CMTM8: variants seen among roughly 807,000 people sequenced by gnomAD.
The protein encoded by CMTM8 is CKLF like MARVEL transmembrane domain containing 8.
A neutral mutation model predicts 18.6 loss-of-function variants in CMTM8; 12 were observed. That is an observed-to-expected ratio of 0.65 (90% CI 0.41 to 1.05). The LOEUF is 1.05. CMTM8 is among the 50% of genes least tolerant of loss of function. The pLI, the probability that CMTM8 is intolerant of heterozygous loss-of-function variation, is 0.00. For synonymous variants in CMTM8, 87 were observed against 90.6 expected (o/e 0.96, Z 0.23); for missense variants, 217 against 227.2 (o/e 0.95, Z 0.29).
At chr3:32,328,929 G>A (rs58224813) in intron 1 of CMTM8, among the ~76,000 whole-genome samples, 19,239 of 152,044 alleles carry the variant, frequency 0.13, 1,735 homozygotes, top group East Asian at 0.25. Flanking sequence ...ACCAGTCCTT[G>A]TAAAACTCTT....
chr3:32,280,533 C>G (rs996910573), intron 1 of CMTM8, among the ~76,000 whole-genome samples: 2 of 152,116 alleles, frequency 1.3e-5, no homozygotes, highest in South Asian at 4.1e-4. Flanking sequence ...ACCAAGTAAC[C>G]AGTGAGAAAC....
At chr3:32,274,662 A>G (rs1412514742) in intron 1 of CMTM8, among the ~76,000 whole-genome samples, 1 of 152,162 alleles carries the variant, frequency 6.6e-6, no homozygotes, top group Non-Finnish European at 1.5e-5. Flanking sequence ...ATCATTCTCA[A>G]ATTTTACCAA....
intron 1 of CMTM8, among the ~76,000 whole-genome samples, chr3:32,320,749 C>T (rs985821438): frequency 6.6e-5 from 10 of 152,152 alleles, no homozygotes; most frequent in Admixed American, 2.6e-4. Flanking sequence ...AGTGCAGCAC[C>T]GGGGTGGGGG....
chr3:32,331,404 CG>C (rs199804669), intron 1 of CMTM8, among the ~76,000 whole-genome samples: 1 of 151,998 alleles, frequency 6.6e-6, no homozygotes, highest in Non-Finnish European at 1.5e-5. Context: ...GAAAACAGTA[CG>C]GGGGGTCCTC....
chr3:32,297,558 G>A lies in CMTM8; in HGVS notation c.147+58439G>A, dbSNP rs1451740755. Among the ~76,000 whole-genome samples the A allele has an allele frequency of 2.0e-5, 3 of 151,874 alleles. No homozygotes were observed. In the East Asian group the frequency reaches 5.8e-4, roughly 29 times the overall value. The stretch of plus-strand genomic sequence containing the variant: ...TAAAGCTCACCTTGGGGAATACAGT[G>A]GTAACCTTGCACAGAGAATGCTGTG... On this transcript the variant is annotated intron_variant, in intron 1 of 3. Transcript: ENST00000307526.
At chr3:32,334,560 C>T (rs956686108) in intron 1 of CMTM8, among the ~76,000 whole-genome samples, 8 of 151,454 alleles carry the variant, frequency 5.3e-5, no homozygotes, top group South Asian at 2.1e-4. Context: ...GAGCTGAGAT[C>T]GCACCACTGC....
chr3:32,363,561 CAT>C (rs532399553), intron 2 of CMTM8, among the ~76,000 whole-genome samples: 8 of 152,168 alleles, frequency 5.3e-5, no homozygotes, highest in Non-Finnish European at 1.2e-4. Context: ...AAGAGAGAAA[CAT>C]AGCAGGAGAC....
Position 32,254,238 on chromosome 3 carries a change from ATTAACCAGT to A in CMTM8, c.147+15124_147+15132del, listed in dbSNP as rs1702148970. 2.6e-5 allele frequency among the ~76,000 whole-genome samples: 4 copies of A among 152,308 alleles called. No individual in the cohort carries two copies. The South Asian group carries it at 8.3e-4, about 32-fold the overall frequency. On this transcript the variant is annotated intron_variant, in intron 1 of 3. Coordinates refer to ENST00000307526, the MANE Select transcript of CMTM8 (RefSeq NM_178868.5). ...TTGAGTGGGATTTGTATAACATAAAATTAACCAGTTTAAAATGAACAATTGAGTGGCATT... is the reference window on the plus strand; with the variant it reads ...TTGAGTGGGATTTGTATAACATAAAATTAAAATGAACAATTGAGTGGCATT...
chr3:32,270,717 T>C (rs1301728033), intron 1 of CMTM8, among the ~76,000 whole-genome samples: 2 of 152,062 alleles, frequency 1.3e-5, no homozygotes, highest in Non-Finnish European at 2.9e-5. Context: ...CCGGGGCCTG[T>C]TGTGGGGTGG....
chr3:32,347,907 G>A (rs1318523004), intron 1 of CMTM8, among the ~76,000 whole-genome samples: 1 of 152,134 alleles, frequency 6.6e-6, no homozygotes, highest in African/African-American at 2.4e-5. Flanking sequence ...GAGTCACTCT[G>A]TTCCAGTCTG....
intron 1 of CMTM8, among the ~76,000 whole-genome samples, chr3:32,324,441 G>A (rs1696118094): frequency 6.6e-6 from 1 of 152,170 alleles, no homozygotes; most frequent in African/African-American, 2.4e-5. Context: ...GTTAACATTT[G>A]AGAGGAAGGT....
intron 1 of CMTM8, among the ~76,000 whole-genome samples, chr3:32,298,697 G>A (rs1354886815): frequency 6.6e-6 from 1 of 150,588 alleles, no homozygotes; most frequent in Non-Finnish European, 1.5e-5. Context: ...GTGCAGTGGT[G>A]CGATCTCAGC....
At position 32,358,282 on chromosome 3, in the gene CMTM8, C is replaced by T. The variant is rs191439589; in HGVS notation, c.321+736C>T. 1.0e-3 allele frequency among the ~76,000 whole-genome samples: 152 copies of T among 152,270 alleles called. 3 individuals carry two copies. The highest frequency in any genetic ancestry group is 3.5e-4 in the Non-Finnish European group (24 of 68,026). On this transcript the variant is annotated intron_variant, in intron 2 of 3. Coordinates refer to ENST00000307526, the MANE Select transcript of CMTM8 (RefSeq NM_178868.5). The surrounding 1 kb of genome is among the most constrained non-coding windows in gnomAD (Gnocchi z 4.1). ...TGACATTTAGCTTCATCCTGGAGAT[C>T]GAACACACACATCCTAAGTGGATTC...
chr3:32,321,107 T>A (rs1233130372), intron 1 of CMTM8, among the ~76,000 whole-genome samples: 1 of 152,102 alleles, frequency 6.6e-6, no homozygotes, highest in African/African-American at 2.4e-5. Context: ...CTTTTATTTA[T>A]ACGACCCATC....
At chr3:32,317,238 G>C (rs114918113) in intron 1 of CMTM8, among the ~76,000 whole-genome samples, 230 of 152,230 alleles carry the variant, frequency 1.5e-3, no homozygotes, top group African/African-American at 5.3e-3. Flanking sequence ...GCTCAGAGCT[G>C]CCTGGACCAC....
rs150635154 is a variant in CMTM8 at position 32,309,869 on chromosome 3, G to A, written c.148-47504G>A. On this transcript the variant is annotated intron_variant, in intron 1 of 3. Coordinates refer to ENST00000307526, the MANE Select transcript of CMTM8 (RefSeq NM_178868.5). Reference sequence around the variant, plus strand: ...TTATGCAGGGAGGCCCTCTCGTACTGCGGGCATCCTGAACTTTCGATGGGA... The same window carrying A: ...TTATGCAGGGAGGCCCTCTCGTACTACGGGCATCCTGAACTTTCGATGGGA... Among the ~76,000 whole-genome samples the A allele has an allele frequency of 7.6e-3, 1,153 of 152,292 alleles. 12 individuals are homozygous for A. The highest frequency in any genetic ancestry group is 0.037 in the Middle Eastern group (11 of 294).
At chr3:32,253,723 A>T (rs9754566) in intron 1 of CMTM8, among the ~76,000 whole-genome samples, 1 of 152,006 alleles carries the variant, frequency 6.6e-6, no homozygotes, top group Non-Finnish European at 1.5e-5. Context: ...TTTTCAAGAG[A>T]CCAGGTCTTG....
chr3:32,357,144 T>C (rs1307891451), intron 1 of CMTM8, among the ~76,000 whole-genome samples: 14 of 152,092 alleles, frequency 9.2e-5, no homozygotes, highest in Admixed American at 9.2e-4. Flanking sequence ...CTTGGGAGGC[T>C]AAGGAAGGAG....
intron 2 of CMTM8, among the ~76,000 whole-genome samples, chr3:32,362,046 C>CTTTTTCTTTTTTT (rs768641791): frequency 0.036 from 3,339 of 92,092 alleles, 156 homozygotes; most frequent in East Asian, 0.14. Context: ...ATTTTCTTTT[C>CTTTTTCTTTTTTT]TTTTTTTTTT....
Sources: gnomAD v4.1 joint callset for allele counts (sites outside exome capture counted in the v4.1 genomes callset) on GRCh38, gnomAD v4.1.1 for gene constraint, Gnocchi (gnomAD v3.1) non-coding constraint, MANE v1.5 for transcripts, NCBI Gene and HGNC (gene_info 2026-07-23, HGNC 2026-07-21) for gene names.